ANOS1: variants seen among roughly 807,000 people sequenced by gnomAD.
The protein encoded by ANOS1 is anosmin-1.
ANOS1 carries 6 observed loss-of-function variants against 59.0 expected under a neutral mutation model. That is an observed-to-expected ratio of 0.10 (90% confidence interval 0.06 to 0.20). ANOS1 has a LOEUF of 0.20. Among genes scored for constraint, ANOS1 ranks in the 10% least tolerant of loss-of-function variants. The probability of loss-of-function intolerance (pLI) is 1.00; values close to 1 mark genes in which losing one functional copy is unlikely to be tolerated. For synonymous variants in ANOS1, 217 were observed against 223.4 expected (o/e 0.97, Z 0.25); for missense variants, 433 against 542.3 (o/e 0.80, Z 2.00).
chrX:8,602,730 AATT>A (rs758760034), intron 3 of ANOS1, among the ~76,000 whole-genome samples: 51 of 108,915 alleles, frequency 4.7e-4, no homozygotes, highest in African/African-American at 1.2e-3. Flanking sequence ...GTCACTCTCA[AATT>A]ATTATTATTA....
chrX:8,721,585 C>A (rs150551110), intron 1 of ANOS1, among the ~76,000 whole-genome samples: 1 of 112,028 alleles, frequency 8.9e-6, no homozygotes, highest in African/African-American at 3.2e-5. Context: ...TGTGTCCAAC[C>A]GCAAGCCAAG....
intron 2 of ANOS1, among the ~76,000 whole-genome samples, chrX:8,698,905 T>C (rs1932722638): frequency 8.9e-6 from 1 of 112,050 alleles, no homozygotes. Flanking sequence ...AAGATTATTA[T>C]ATATTCCTTA....
intron 2 of ANOS1, among the ~76,000 whole-genome samples, chrX:8,664,735 C>T (rs931180596): frequency 2.7e-5 from 3 of 111,409 alleles, no homozygotes; most frequent in Admixed American, 1.9e-4. Flanking sequence ...GGGTACCCCA[C>T]GGTCTCTGCA....
chrX:8,613,229 A>G (rs1211851308), intron 3 of ANOS1, among the ~76,000 whole-genome samples: 4 of 109,004 alleles, frequency 3.7e-5, no homozygotes, highest in Non-Finnish European at 7.6e-5. Context: ...TTTTTTTGAA[A>G]CAGGGTCTCA....
Position 8,584,843 on chromosome X carries a change from T to C in ANOS1, c.856+424A>G, listed in dbSNP as rs183940309. Among the ~76,000 whole-genome samples, 558 of 112,018 alleles carry C rather than the reference T, an allele frequency of 5.0e-3. 9 individuals are homozygous for C. The highest frequency in any genetic ancestry group is 0.017 in the African/African-American group (531 of 30,857). ...TCAGGAGGGGTTTAAATTCTAGATG[T>C]TATGAAGCAAACGTAGGAGTCAAAT... On this transcript the variant is annotated intron_variant, in intron 6 of 13. Transcript: ENST00000262648.
chrX:8,626,517 G>A (rs1350000294), intron 2 of ANOS1, among the ~76,000 whole-genome samples: 1 of 111,245 alleles, frequency 9.0e-6, no homozygotes, highest in African/African-American at 3.3e-5. Context: ...CATCAATATA[G>A]CAATTCTAAA....
intron 11 of ANOS1, among the ~76,000 whole-genome samples, chrX:8,536,187 GC>G (rs1929587688): frequency 6.2e-5 from 2 of 32,004 alleles, no homozygotes; most frequent in Non-Finnish European, 1.4e-4. Context: ...TAAATCCGAA[GC>G]TTTTTTTTTT....
chrX:8,620,139 A>G (rs1931264313), intron 3 of ANOS1, among the ~76,000 whole-genome samples: 1 of 111,987 alleles, frequency 8.9e-6, no homozygotes, highest in Non-Finnish European at 1.9e-5. Flanking sequence ...CTTTTTCTAT[A>G]AAGGGCCAGA....
chrX:8,609,871 G>A (rs1421849177), intron 3 of ANOS1, among the ~76,000 whole-genome samples: 6 of 107,015 alleles, frequency 5.6e-5, no homozygotes, highest in African/African-American at 2.0e-4. Flanking sequence ...GCTGGGCGTG[G>A]TGGTGGGCGC....
At chrX:8,617,003 A>G (rs1307554469) in intron 3 of ANOS1, among the ~76,000 whole-genome samples, 1 of 112,568 alleles carries the variant, frequency 8.9e-6, no homozygotes, top group Non-Finnish European at 1.9e-5. Context: ...GTTTGGACAT[A>G]TATCTGTTTA....
chrX:8,672,642 C>A lies in ANOS1; in HGVS notation c.255+27056G>T, dbSNP rs539379224. Reference sequence around the variant, plus strand: ...TATCTCCTGTCTCCTGGATGAGGTACTGAGAAAGAGACACCCTCCGCACTC... The same window carrying A: ...TATCTCCTGTCTCCTGGATGAGGTAATGAGAAAGAGACACCCTCCGCACTC... On this transcript the variant is annotated intron_variant, in intron 2 of 13. Coordinates refer to ENST00000262648, the MANE Select transcript of ANOS1 (RefSeq NM_000216.4). Among the ~76,000 whole-genome samples, 4 of 111,658 alleles carry A rather than the reference C, an allele frequency of 3.6e-5. No individual in the cohort carries two copies. The South Asian group carries it at 1.5e-3, about 42-fold the overall frequency.
At chrX:8,558,725 G>A (rs947371207) in intron 8 of ANOS1, among the ~76,000 whole-genome samples, 2 of 111,321 alleles carry the variant, frequency 1.8e-5, no homozygotes, top group Non-Finnish European at 3.8e-5. Context: ...GGCTCTAAAC[G>A]GAAATACGGT....
Position 8,530,601 on chromosome X carries a change from T to C in ANOS1, c.*2394A>G, listed in dbSNP as rs1484650721. 1 of 110,586 alleles carries C rather than the reference T, an allele frequency of 9.0e-6. No homozygotes were observed. Among genetic ancestry groups the C allele is most frequent in the East Asian group, 2.8e-4 (1 of 3,545 alleles). The allele number at this position is 110,586 out of a possible 1,213,427, so 9.1% of individuals were successfully genotyped here. Reference sequence around the variant, plus strand: ...ATTAAAATTAGAAGCCCATAAGAGCTGCTTTAGATTTTTTTAAGGGAGATG... The same window carrying C: ...ATTAAAATTAGAAGCCCATAAGAGCCGCTTTAGATTTTTTTAAGGGAGATG... On this transcript the variant is annotated 3_prime_UTR_variant, in exon 14 of 14. Transcript: ENST00000262648.
At chrX:8,683,896 C>T (rs1170477141) in intron 2 of ANOS1, among the ~76,000 whole-genome samples, 8 of 111,644 alleles carry the variant, frequency 7.2e-5, no homozygotes, top group Admixed American at 5.7e-4. Flanking sequence ...GGTTTCAGCA[C>T]GGTGCACGCA....
chrX:8,731,795 C>A, intron 1 of ANOS1, 35 bp downstream of exon 1: 1 of 1,169,098 alleles, frequency 8.6e-7, no homozygotes, highest in Non-Finnish European at 1.1e-6. Flanking sequence ...GCGGCCGCAG[C>A]CCCAGAAAGA....
At chrX:8,705,056 A>G (rs1312749755) in intron 1 of ANOS1, among the ~76,000 whole-genome samples, 2 of 111,543 alleles carry the variant, frequency 1.8e-5, no homozygotes, top group Non-Finnish European at 1.9e-5. Context: ...CAATTTTTCA[A>G]CATTTGCCAA....
intron 5 of ANOS1, 87 bp from the exon 6 acceptor site, chrX:8,585,483 C>G: frequency 9.5e-7 from 1 of 1,049,566 alleles, no homozygotes; most frequent in Non-Finnish European, 1.3e-6. Flanking sequence ...ATACACTAAC[C>G]CATCAGCCAA....
chrX:8,676,247 T>C (rs1479903540), intron 2 of ANOS1, among the ~76,000 whole-genome samples: 1 of 111,583 alleles, frequency 9.0e-6, no homozygotes, highest in Non-Finnish European at 1.9e-5. Flanking sequence ...CATTTAATAT[T>C]ATATACTTTG....
chrX:8,711,728 A>T (rs1304145754), intron 1 of ANOS1, among the ~76,000 whole-genome samples: 1 of 112,682 alleles, frequency 8.9e-6, no homozygotes, highest in African/African-American at 3.2e-5. Context: ...TTAGCCATGG[A>T]GAAGTCAGAA....
Sources: allele counts gnomAD v4.1 joint callset (sites outside exome capture counted in the v4.1 genomes callset), GRCh38; gene constraint gnomAD v4.1.1; transcripts MANE v1.5; gene names NCBI Gene and HGNC (gene_info 2026-07-23, HGNC 2026-07-21).